CAMK1D: variants seen among roughly 807,000 people sequenced by gnomAD.
CAMK1D encodes calcium/calmodulin-dependent protein kinase type 1D.
A neutral mutation model predicts 47.7 loss-of-function variants in CAMK1D; 9 were observed. The observed-to-expected ratio is 0.19, with a 90% CI of 0.11 to 0.33. CAMK1D has a LOEUF of 0.33. CAMK1D is among the 10% of genes least tolerant of loss of function. The pLI is 1.00. For missense variants in CAMK1D, 291 were observed against 488.7 expected (o/e 0.60, Z 3.81); for synonymous variants, 184 against 184.9 (o/e 0.99, Z 0.04).
intron 5 of CAMK1D, among the ~76,000 whole-genome samples, chr10:12,770,975 G>A (rs1002262910): frequency 7.9e-5 from 12 of 152,270 alleles, no homozygotes; most frequent in African/African-American, 2.9e-4. Context: ...GTGTTGCAAG[G>A]TTGGAGTGCA....
chr10:12,745,322 GC>G (rs1320691739), intron 3 of CAMK1D, among the ~76,000 whole-genome samples: 2 of 152,280 alleles, frequency 1.3e-5, no homozygotes, highest in Non-Finnish European at 2.9e-5. Context: ...GAGCCACCGT[GC>G]CCAGCTGCTC....
At chr10:12,640,776 G>A in intron 2 of CAMK1D, among the ~76,000 whole-genome samples, 1 of 152,152 alleles carries the variant, frequency 6.6e-6, no homozygotes, top group Non-Finnish European at 1.5e-5. Context: ...TGGGAGGCCT[G>A]CCTCAGCCTT....
chr10:12,691,665 C>T (rs1485286960), intron 3 of CAMK1D, among the ~76,000 whole-genome samples: 1 of 151,440 alleles, frequency 6.6e-6, no homozygotes, highest in Non-Finnish European at 1.5e-5. Flanking sequence ...CTTGGCTAGG[C>T]TGGTCTTGAA....
chr10:12,602,634 A>C (rs1838336028), intron 2 of CAMK1D, among the ~76,000 whole-genome samples: 1 of 152,186 alleles, frequency 6.6e-6, no homozygotes, highest in Admixed American at 6.5e-5. Flanking sequence ...GGCACACCAG[A>C]AGTGCCTCTA....
intron 1 of CAMK1D, among the ~76,000 whole-genome samples, chr10:12,406,974 C>A (rs1839455344): frequency 6.6e-6 from 1 of 152,158 alleles, no homozygotes; most frequent in Non-Finnish European, 1.5e-5. Flanking sequence ...GACTTGCTTT[C>A]TTTCTAGGGA....
At chr10:12,682,288 G>A (rs558669956) in intron 3 of CAMK1D, among the ~76,000 whole-genome samples, 108 of 152,316 alleles carry the variant, frequency 7.1e-4, no homozygotes, top group African/African-American at 2.4e-3. Flanking sequence ...TCTGGAAAGT[G>A]TCTTTGTGGC....
At chr10:12,790,569 C>A (rs1199186360) in intron 5 of CAMK1D, among the ~76,000 whole-genome samples, 2 of 152,194 alleles carry the variant, frequency 1.3e-5, no homozygotes, top group African/African-American at 4.8e-5. Context: ...TGTTTGTTGA[C>A]TGACAGAGTT....
intron 1 of CAMK1D, among the ~76,000 whole-genome samples, chr10:12,495,855 T>G (rs12778611): frequency 0.19 from 28,304 of 152,142 alleles, 3,229 homozygotes; most frequent in Non-Finnish European, 0.27. Flanking sequence ...TGAGACAGGG[T>G]CTCACTCTGT....
At chr10:12,787,408 GGTT>G (rs1415839206) in intron 5 of CAMK1D, among the ~76,000 whole-genome samples, 2 of 152,176 alleles carry the variant, frequency 1.3e-5, no homozygotes, top group African/African-American at 4.8e-5. Context: ...ACGGGGAGGA[GGTT>G]GTTCTTTTAA....
Position 12,485,735 on chromosome 10 carries a change from G to A in CAMK1D, c.93-67490G>A, listed in dbSNP as rs1384632539. Among the ~76,000 whole-genome samples the A allele has an allele frequency of 2.0e-5, 3 of 152,206 alleles. No homozygotes were observed. In the East Asian group the frequency reaches 5.8e-4, roughly 29 times the overall value. On this transcript the variant is annotated intron_variant, in intron 1 of 10. Transcript: ENST00000619168. ...AGTCATGAGTTCAAACAGGGTCACC[G>A]ATAAGGGAGGGTTGGAACTTTCAGA...
At chr10:12,501,151 T>C (rs1834691308) in intron 1 of CAMK1D, among the ~76,000 whole-genome samples, 1 of 152,342 alleles carries the variant, frequency 6.6e-6, no homozygotes, top group East Asian at 1.9e-4. Flanking sequence ...ACAGGGAAAA[T>C]GGAACTTGGT....
At chr10:12,397,808 C>G (rs1839016343) in intron 1 of CAMK1D, among the ~76,000 whole-genome samples, 5 of 152,164 alleles carry the variant, frequency 3.3e-5, no homozygotes, top group Admixed American at 3.3e-4. Context: ...TTTGAATCAA[C>G]ATACCAGAAA....
At chr10:12,825,717 C>T (rs774577440) in intron 10 of CAMK1D, 27 bp downstream of exon 10, 2 of 1,613,962 alleles carry the variant, frequency 1.2e-6, no homozygotes, top group Admixed American at 3.3e-5. Context: ...ACCAGAATCC[C>T]TCAGCTGACA....
intron 1 of CAMK1D, among the ~76,000 whole-genome samples, chr10:12,418,092 C>G (rs894582843): frequency 6.6e-6 from 1 of 152,216 alleles, no homozygotes; most frequent in Non-Finnish European, 1.5e-5. Flanking sequence ...TGAGCCACCA[C>G]GCCTGGCCTC....
chr10:12,661,253 T>G lies in CAMK1D; in HGVS notation c.225-5483T>G, dbSNP rs570312243. Among the ~76,000 whole-genome samples, 11 of 152,346 alleles carry G rather than the reference T, an allele frequency of 7.2e-5. No homozygotes were observed. In the South Asian group the frequency reaches 2.3e-3, roughly 32 times the overall value. ...TAATGATGGCATTAATACTTTGACTTTAGATATTCTAATTTTATAGAAATA... is the reference window on the plus strand; with the variant it reads ...TAATGATGGCATTAATACTTTGACTGTAGATATTCTAATTTTATAGAAATA... On this transcript the variant is annotated intron_variant, in intron 2 of 10. Coordinates refer to ENST00000619168, the MANE Select transcript of CAMK1D (RefSeq NM_153498.4).
intron 1 of CAMK1D, among the ~76,000 whole-genome samples, chr10:12,356,347 C>T (rs1032056320): frequency 6.6e-6 from 1 of 152,062 alleles, no homozygotes; most frequent in African/African-American, 2.4e-5. Context: ...CAGGAATTCT[C>T]GGAGCACCTG....
chr10:12,642,138 A>G (rs1839684897), intron 2 of CAMK1D, among the ~76,000 whole-genome samples: 1 of 152,020 alleles, frequency 6.6e-6, no homozygotes, highest in African/African-American at 2.4e-5. Flanking sequence ...ATGGGCATGC[A>G]GTTATATTGA....
chr10:12,651,880 G>A (rs952323090), intron 2 of CAMK1D, among the ~76,000 whole-genome samples: 1 of 151,826 alleles, frequency 6.6e-6, no homozygotes, highest in African/African-American at 2.4e-5. Flanking sequence ...CTGGGTTCAC[G>A]CCATTCTCCT....
At chr10:12,412,076 A>C (rs1171099160) in intron 1 of CAMK1D, among the ~76,000 whole-genome samples, 1 of 152,200 alleles carries the variant, frequency 6.6e-6, no homozygotes, top group Admixed American at 6.5e-5. Flanking sequence ...GGCAAAGTAG[A>C]ATATTGAAGA....
Sources: allele counts gnomAD v4.1 joint callset (sites outside exome capture counted in the v4.1 genomes callset), GRCh38; gene constraint gnomAD v4.1.1; transcripts MANE v1.5; gene names NCBI Gene and HGNC (gene_info 2026-07-23, HGNC 2026-07-21).